ZNF704: variants seen among roughly 807,000 people sequenced by gnomAD.
ZNF704 encodes the protein glucocorticoid induced gene 1.
Under a neutral mutation model 44.7 loss-of-function variants are expected in ZNF704, and 10 were observed. The ratio of observed to expected loss-of-function variants is 0.22; its 90% CI spans 0.14 to 0.38. The LOEUF is 0.38. ZNF704 is among the 10% of genes least tolerant of loss of function. ZNF704 has a pLI of 1.00. For missense variants in ZNF704, 390 were observed against 545.5 expected (o/e 0.71, Z 2.84); for synonymous variants, 211 against 207.6 (o/e 1.02, Z -0.14).
intron 1 of ZNF704, among the ~76,000 whole-genome samples, chr8:80,868,207 T>C (rs561916604): frequency 6.6e-6 from 1 of 152,280 alleles, no homozygotes; most frequent in South Asian, 2.1e-4. Flanking sequence ...CAGGGGTTAG[T>C]TGGTGGTAGG....
chr8:80,695,658 TAACTC>T (rs1818713680), intron 2 of ZNF704, among the ~76,000 whole-genome samples: 1 of 152,250 alleles, frequency 6.6e-6, no homozygotes, highest in African/African-American at 2.4e-5. Flanking sequence ...AATTGATAAT[TAACTC>T]AAATACTGAT....
intron 1 of ZNF704, among the ~76,000 whole-genome samples, chr8:80,866,726 G>T (rs1478526392): frequency 2.0e-5 from 3 of 152,068 alleles, no homozygotes; most frequent in Non-Finnish European, 4.4e-5. Flanking sequence ...GGGGTTGGGG[G>T]GGGGATACAT....
chr8:80,708,445 A>G (rs1309753998), intron 2 of ZNF704, among the ~76,000 whole-genome samples: 1 of 152,290 alleles, frequency 6.6e-6, no homozygotes, highest in East Asian at 1.9e-4. Flanking sequence ...AACAGGGCTT[A>G]GGCAAAAGCC....
At chr8:80,802,607 G>A (rs917043272) in intron 2 of ZNF704, among the ~76,000 whole-genome samples, 4 of 152,106 alleles carry the variant, frequency 2.6e-5, no homozygotes, top group Non-Finnish European at 4.4e-5. Context: ...TATCTCAATA[G>A]ATGCAGAAAA....
At chr8:80,840,164 G>A (rs1808652701) in intron 1 of ZNF704, among the ~76,000 whole-genome samples, 1 of 152,200 alleles carries the variant, frequency 6.6e-6, no homozygotes, top group African/African-American at 2.4e-5. Context: ...GTAAAATCAG[G>A]AGACAGAAGA....
chr8:80,712,846 T>C (rs963394794), intron 2 of ZNF704, among the ~76,000 whole-genome samples: 18 of 151,046 alleles, frequency 1.2e-4, no homozygotes, highest in African/African-American at 4.2e-4. Flanking sequence ...TTTGAGTTAA[T>C]TTTTGTAGAT....
intron 6 of ZNF704, among the ~76,000 whole-genome samples, chr8:80,663,976 T>C (rs1818144022): frequency 6.6e-6 from 1 of 151,922 alleles, no homozygotes; most frequent in South Asian, 2.1e-4. Context: ...AGCAATCCAC[T>C]TGCCTCAGCC....
chr8:80,823,358 C>T (rs991297042), intron 1 of ZNF704, among the ~76,000 whole-genome samples: 2 of 152,178 alleles, frequency 1.3e-5, no homozygotes, highest in African/African-American at 4.8e-5. Flanking sequence ...TGCAAGGCGG[C>T]AGCAAGGCTG....
chr8:80,646,457 CAG>C (rs1467541298), intron 7 of ZNF704, among the ~76,000 whole-genome samples: 6 of 139,582 alleles, frequency 4.3e-5, no homozygotes, highest in African/African-American at 1.7e-4. Context: ...GCCTGGGCAA[CAG>C]AGTGAGACAC....
intron 2 of ZNF704, among the ~76,000 whole-genome samples, chr8:80,789,162 C>T (rs1563553907): frequency 6.6e-6 from 1 of 151,846 alleles, no homozygotes; most frequent in Non-Finnish European, 1.5e-5. Flanking sequence ...AGGAAGAAAC[C>T]AGAATGATTC....
At chr8:80,700,180 T>A (rs1818787285) in intron 2 of ZNF704, among the ~76,000 whole-genome samples, 1 of 152,258 alleles carries the variant, frequency 6.6e-6, no homozygotes, top group South Asian at 2.1e-4. Flanking sequence ...TACAGCCTTT[T>A]TTAAATTGCT....
intron 2 of ZNF704, among the ~76,000 whole-genome samples, chr8:80,712,555 A>T (rs1242383450): frequency 6.6e-6 from 1 of 152,170 alleles, no homozygotes; most frequent in Non-Finnish European, 1.5e-5. Flanking sequence ...GCTGCTTAGG[A>T]TCATTTTATA....
chr8:80,678,259 T>C (rs906956487), intron 4 of ZNF704, among the ~76,000 whole-genome samples: 1 of 149,102 alleles, frequency 6.7e-6, no homozygotes, highest in Non-Finnish European at 1.5e-5. Flanking sequence ...CATAATTACA[T>C]ATAGTGGGAA....
chr8:80,822,526 T>G (rs919214681), intron 1 of ZNF704, among the ~76,000 whole-genome samples: 4 of 152,244 alleles, frequency 2.6e-5, no homozygotes, highest in African/African-American at 9.6e-5. Context: ...TGTGTCTTTA[T>G]AGCAGCATGA....
intron 2 of ZNF704, among the ~76,000 whole-genome samples, chr8:80,783,459 G>A (rs186938565): frequency 7.9e-5 from 12 of 152,222 alleles, no homozygotes; most frequent in African/African-American, 2.6e-4. Flanking sequence ...ACTGACTTAA[G>A]TCCATTCTTG....
At chr8:80,881,480 A>T in the ZNF704 span, among the ~76,000 whole-genome samples, 25 of 152,294 alleles carry the variant, frequency 1.6e-4, no homozygotes, top group African/African-American at 5.5e-4. Flanking sequence ...TACTATATAC[A>T]TCTATTAATA....
intron 2 of ZNF704, among the ~76,000 whole-genome samples, chr8:80,741,782 C>T (rs1176629613): frequency 6.6e-6 from 1 of 152,124 alleles, no homozygotes; most frequent in Non-Finnish European, 1.5e-5. Flanking sequence ...TGATCCCAAC[C>T]TCAACTTGTA....
chr8:80,653,190 T>C (rs550828418), intron 7 of ZNF704, among the ~76,000 whole-genome samples: 1 of 152,338 alleles, frequency 6.6e-6, no homozygotes, highest in Admixed American at 6.5e-5. Context: ...GAGCTATCTA[T>C]GGCAAACCCA....
intron 1 of ZNF704, among the ~76,000 whole-genome samples, chr8:80,831,780 G>C (rs1372893999): frequency 2.0e-5 from 3 of 152,186 alleles, no homozygotes; most frequent in South Asian, 4.1e-4. Context: ...ACCAGGAAGA[G>C]AACACAACAT....
Sources: gnomAD v4.1 joint callset for allele counts (sites outside exome capture counted in the v4.1 genomes callset) on GRCh38, gnomAD v4.1.1 for gene constraint, MANE v1.5 for transcripts, NCBI Gene and HGNC (gene_info 2026-07-23, HGNC 2026-07-21) for gene names.